The following RERE variants were observed in gnomAD, a reference collection of about 807,000 sequenced individuals.
RERE encodes arginine-glutamic acid dipeptide repeats protein.
Under a neutral mutation model 146.1 loss-of-function variants are expected in RERE, and 40 were observed. The observed-to-expected ratio is 0.27, with a 90% CI of 0.21 to 0.36. The LOEUF (loss-of-function observed/expected upper bound fraction) is 0.36, where lower values mean the gene tolerates loss of function less well. RERE is among the 10% of genes least tolerant of loss of function. RERE has a pLI of 1.00. For synonymous variants in RERE, 1,003 were observed against 866.0 expected, an observed-to-expected ratio of 1.16 and a Z score of -2.78; for missense variants, 1,933 against 2,138.7, an observed-to-expected ratio of 0.90 and a Z score of 1.90.
intron 12 of RERE, among the ~76,000 whole-genome samples, chr1:8,410,527 G>GA (rs1643584647): frequency 6.6e-6 from 1 of 152,174 alleles, no homozygotes; most frequent in African/African-American, 2.4e-5. Context: ...AAGGCGGCCC[G>GA]AAAAATGGAA....
intron 1 of RERE, among the ~76,000 whole-genome samples, chr1:8,793,118 C>T (rs1225121903): frequency 2.9e-5 from 4 of 137,956 alleles, no homozygotes; most frequent in African/African-American, 1.1e-4. Flanking sequence ...GATCGCGCCA[C>T]TGCACTCCAG....
Position 8,364,952 on chromosome 1 carries a change from G to C in RERE, c.1448-114C>G, listed in dbSNP as rs944250205. ...CACCTGTGACCTCTGGCCTACTGCAGGTTCTGGCCACCAGTCAGAGCGGCT... is the reference window on the plus strand; with the variant it reads ...CACCTGTGACCTCTGGCCTACTGCACGTTCTGGCCACCAGTCAGAGCGGCT... On this transcript the variant is annotated intron_variant, in intron 13 of 22. Transcript: ENST00000400908. The surrounding 1 kb of genome is among the most constrained non-coding windows in gnomAD (Gnocchi z 5.1). The C allele has an allele frequency of 5.4e-6, 4 of 736,532 alleles. No individual in the cohort carries two copies. The highest frequency in any genetic ancestry group is 9.3e-6 in the Non-Finnish European group (4 of 429,074). 45.6% of individuals were successfully genotyped at this position (736,532 alleles called of 1,614,324 possible).
At chr1:8,594,080 A>G (rs548984485) in intron 4 of RERE, among the ~76,000 whole-genome samples, 1 of 152,308 alleles carries the variant, frequency 6.6e-6, no homozygotes, top group Non-Finnish European at 1.5e-5. Context: ...TTTGCAGACC[A>G]CTACAAAAAT....
intron 1 of RERE, among the ~76,000 whole-genome samples, chr1:8,712,946 T>C (rs1390743450): frequency 2.0e-5 from 3 of 152,202 alleles, no homozygotes; most frequent in Non-Finnish European, 4.4e-5. Context: ...CAGTTTGCAG[T>C]CAGCTGCTAT....
intron 1 of RERE, among the ~76,000 whole-genome samples, chr1:8,812,843 AT>A (rs1641839030): frequency 6.6e-6 from 1 of 152,152 alleles, no homozygotes. Context: ...TATATTTAGT[AT>A]TTGAACTTGA....
chr1:8,356,215 G>A lies in RERE; in HGVS notation c.4371C>T (p.Asp1457=), dbSNP rs1570013527. 4 of 1,525,586 alleles carry A rather than the reference G, an allele frequency of 2.6e-6. No homozygotes were observed. Among genetic ancestry groups the A allele is most frequent in the Admixed American group, 2.5e-5 (1 of 39,226 alleles). The allele number at this position is 1,525,586 out of a possible 1,614,324, so 94.5% of individuals were successfully genotyped here. The change falls in exon 21 of 23, where the codon GAC becomes GAT. Residue 1457 remains aspartate, a synonymous_variant. Transcript: ENST00000400908. This position sits in a 1 kb window ranked among gnomAD's most constrained non-coding sequence, Gnocchi z 5.2. ...GSAGPVHPLV[D]PLTAGPHLAR... ...CCAGGTGGGGACCGGCAGTCAGGGG[G>A]TCGACCAGCGGGTGAACGGGGCCTG...
In RERE at chr1:8,814,401, C is replaced by A. The variant is rs76774435; in HGVS notation, c.-145+2759G>T. Among the ~76,000 whole-genome samples, 302 of 152,330 alleles carry A rather than the reference C, an allele frequency of 2.0e-3. 6 individuals carry two copies. The East Asian group carries it at 0.054, about 27-fold the overall frequency. Reference sequence around the variant, plus strand: ...CCTTAGTTTACAAGCCTTTGGGCAACAATTTGACCCTCTTCTATGATAATT... The same window carrying A: ...CCTTAGTTTACAAGCCTTTGGGCAAAAATTTGACCCTCTTCTATGATAATT... On this transcript the variant is annotated intron_variant, in intron 1 of 22. Coordinates refer to ENST00000400908, the MANE Select transcript of RERE (RefSeq NM_001042681.2).
At chr1:8,492,749 TA>T (rs1644994888) in intron 10 of RERE, among the ~76,000 whole-genome samples, 2 of 151,990 alleles carry the variant, frequency 1.3e-5, no homozygotes, top group African/African-American at 2.4e-5. Flanking sequence ...AAAAAATTTT[TA>T]TTTAATTAGT....
chr1:8,746,004 G>A (rs1429966197), intron 1 of RERE, among the ~76,000 whole-genome samples: 1 of 152,220 alleles, frequency 6.6e-6, no homozygotes, highest in African/African-American at 2.4e-5. Context: ...AGTTGAGGCT[G>A]CAATGAGCCA....
intron 1 of RERE, among the ~76,000 whole-genome samples, chr1:8,767,604 CAA>C (rs70985518): frequency 1.4e-4 from 16 of 117,908 alleles, no homozygotes; most frequent in Non-Finnish European, 1.4e-4. Flanking sequence ...GGCCTTGTCT[CAA>C]AAAAAAAAAA....
At chr1:8,470,965 C>T (rs529187320) in intron 10 of RERE, among the ~76,000 whole-genome samples, 48 of 150,866 alleles carry the variant, frequency 3.2e-4, no homozygotes, top group African/African-American at 8.0e-4. Flanking sequence ...ACTACAGGCG[C>T]GCCACCACAC....
chr1:8,471,441 T>C (rs1012483550), intron 10 of RERE, among the ~76,000 whole-genome samples: 3 of 151,652 alleles, frequency 2.0e-5, no homozygotes, highest in Admixed American at 1.3e-4. Flanking sequence ...GCCGCCCAAG[T>C]ACTAGGACAG....
chr1:8,523,197 A>C (rs1645526434), intron 7 of RERE, among the ~76,000 whole-genome samples: 1 of 152,178 alleles, frequency 6.6e-6, no homozygotes, highest in African/African-American at 2.4e-5. Context: ...CCTATCTCAA[A>C]AAGAAAAAGA....
chr1:8,759,101 C>T (rs1450990794), intron 1 of RERE, among the ~76,000 whole-genome samples: 1 of 152,016 alleles, frequency 6.6e-6, no homozygotes, highest in African/African-American at 2.4e-5. Flanking sequence ...CACAGTGAGA[C>T]TCCATCTTGA....
intron 1 of RERE, among the ~76,000 whole-genome samples, chr1:8,657,705 G>C (rs2124337729): frequency 6.6e-6 from 1 of 152,234 alleles, no homozygotes; most frequent in South Asian, 2.1e-4. Context: ...AAAGTAGCTG[G>C]GCACAGTGGC....
chr1:8,737,287 T>C (rs377401617), intron 1 of RERE, among the ~76,000 whole-genome samples: 1 of 152,222 alleles, frequency 6.6e-6, no homozygotes, highest in South Asian at 2.1e-4. Flanking sequence ...AAGTCAGCTA[T>C]ACATCCACTT....
intron 1 of RERE, among the ~76,000 whole-genome samples, chr1:8,664,888 G>T (rs1284178506): frequency 1.3e-5 from 2 of 152,032 alleles, no homozygotes; most frequent in Non-Finnish European, 2.9e-5. Flanking sequence ...CTGCAGCCAG[G>T]GTGTTCCTTT....
chr1:8,523,306 G>A (rs1465114821), intron 7 of RERE, among the ~76,000 whole-genome samples: 1 of 152,218 alleles, frequency 6.6e-6, no homozygotes, highest in Non-Finnish European at 1.5e-5. Flanking sequence ...CGCTTTAAAT[G>A]TGAGGCTCCC....
intron 11 of RERE, among the ~76,000 whole-genome samples, chr1:8,426,912 G>A (rs1644021214): frequency 6.6e-6 from 1 of 152,114 alleles, no homozygotes; most frequent in South Asian, 2.1e-4. Flanking sequence ...ATTTGTATAA[G>A]GCCTGCTTAC....
Sources: gnomAD v4.1 joint callset for allele counts (sites outside exome capture counted in the v4.1 genomes callset) on GRCh38, gnomAD v4.1.1 for gene constraint, Gnocchi (gnomAD v3.1) non-coding constraint, MANE v1.5 for transcripts, NCBI Gene and HGNC (gene_info 2026-07-23, HGNC 2026-07-21) for gene names.